Variants in ZNF383 observed in about 807,000 individuals in gnomAD.
The protein encoded by ZNF383 is zinc finger protein 383.
A neutral mutation model predicts 44.2 loss-of-function variants in ZNF383; 32 were observed. The observed-to-expected ratio is 0.72, with a 90% CI of 0.55 to 0.97. ZNF383 has a LOEUF of 0.97. Among genes scored for constraint, ZNF383 ranks in the 50% least tolerant of loss-of-function variants. The pLI, the probability that ZNF383 is intolerant of heterozygous loss-of-function variation, is 0.00. For missense variants in ZNF383, 487 were observed against 562.5 expected, an observed-to-expected ratio of 0.87 and a Z score of 1.36; for synonymous variants, 155 against 186.2, an observed-to-expected ratio of 0.83 and a Z score of 1.36.
Position 37,243,718 on chromosome 19 carries a change from T to G in ZNF383, c.*54T>G, listed in dbSNP as rs1974256115. 9.0e-6 allele frequency: 11 copies of G among 1,226,084 alleles called. No homozygotes were observed. In the Admixed American group the frequency reaches 9.5e-5, roughly 11 times the overall value. The allele number at this position is 1,226,084 out of a possible 1,614,324, so 76.0% of individuals were successfully genotyped here. A position where few individuals can be genotyped will look rare whatever the true frequency, so the allele number is the denominator to read the frequency against. ...CATATTTTAAACCAAAAATCATGTC[T>G]AATAGTTACCCTCTTCCGTAGTTTT... On this transcript the variant is annotated 3_prime_UTR_variant, in exon 6 of 6. Transcript: ENST00000684119.
chr19:37,235,941 C>T (rs745704082), intron 4 of ZNF383, 38 bp from the exon 5 acceptor site: 2 of 1,555,954 alleles, frequency 1.3e-6, no homozygotes, highest in African/African-American at 2.7e-5. Flanking sequence ...TCCTTTACCC[C>T]CAGCATAACC....
intron 5 of ZNF383, among the ~76,000 whole-genome samples, chr19:37,240,375 C>A (rs1359147079): frequency 1.3e-5 from 2 of 152,052 alleles, no homozygotes; most frequent in Non-Finnish European, 2.9e-5. Context: ...TTTCCTGTAA[C>A]CCCCCAGTAA....
At position 37,248,470 on chromosome 19, in the gene ZNF383, T is replaced by C. The variant is rs1390058317; in HGVS notation, c.*4806T>C. On this transcript the variant is annotated 3_prime_UTR_variant, in exon 6 of 6. Transcript: ENST00000684119. ...AAAAACAATTCTGATAAATCAAACTTTCTACTTTCTGAAACTTGAAAATCA... is the reference window on the plus strand; with the variant it reads ...AAAAACAATTCTGATAAATCAAACTCTCTACTTTCTGAAACTTGAAAATCA... 1 of 152,186 alleles carries C rather than the reference T, an allele frequency of 6.6e-6. No homozygotes were observed. Among genetic ancestry groups the C allele is most frequent in the Non-Finnish European group, 1.5e-5 (1 of 68,034 alleles). The allele number at this position is 152,186 out of a possible 1,614,324, so 9.4% of individuals were successfully genotyped here.
rs1312236730 is a variant in ZNF383, at chr19:37,244,615, G to A, written c.*951G>A. 6.6e-6 allele frequency: 1 copy of A among 152,154 alleles called. No homozygotes were observed. Among genetic ancestry groups the A allele is most frequent in the Non-Finnish European group, 1.5e-5 (1 of 68,064 alleles). The allele number at this position is 152,154 out of a possible 1,614,324, so 9.4% of individuals were successfully genotyped here. A position where few individuals can be genotyped will look rare whatever the true frequency, so the allele number is the denominator to read the frequency against. ...GATGGTCTCAATCTCCCGACTTCAG[G>A]TGATCCACCCGCCTCGGCCTCCGAA... is the stretch of plus-strand genomic sequence containing the variant. On this transcript the variant is annotated 3_prime_UTR_variant, in exon 6 of 6. Transcript: ENST00000684119.
chr19:37,239,485 G>T (rs1326248929), intron 5 of ZNF383, among the ~76,000 whole-genome samples: 1 of 152,142 alleles, frequency 6.6e-6, no homozygotes, highest in African/African-American at 2.4e-5. Flanking sequence ...AAAACTCCAG[G>T]CAGAGAGAAG....
chr19:37,242,410 A>G, intron 5 of ZNF383, 59 bp from the exon 6 acceptor site: 2 of 1,183,132 alleles, frequency 1.7e-6, no homozygotes, highest in Admixed American at 2.3e-5. Flanking sequence ...TTTCTATTAT[A>G]AAAGTTTAAT....
At chr19:37,241,770 A>G (rs1974093218) in intron 5 of ZNF383, among the ~76,000 whole-genome samples, 1 of 151,950 alleles carries the variant, frequency 6.6e-6, no homozygotes. Context: ...TTTGAAGCTC[A>G]GTGTGGGGCT....
chr19:37,230,806 G>A (rs1344012394), intron 3 of ZNF383, among the ~76,000 whole-genome samples: 1 of 152,188 alleles, frequency 6.6e-6, no homozygotes, highest in Non-Finnish European at 1.5e-5. Flanking sequence ...TGAGTTGAAG[G>A]TGTGAGTTAC....
chr19:37,241,892 T>C (rs1230758816), intron 5 of ZNF383, among the ~76,000 whole-genome samples: 1 of 150,516 alleles, frequency 6.6e-6, no homozygotes, highest in East Asian at 1.9e-4. Flanking sequence ...TTGTATGATA[T>C]ACTTATCTCT....
chr19:37,225,189 A>T (rs1973101343), intron 2 of ZNF383: 1 of 151,374 alleles, frequency 6.6e-6, no homozygotes, highest in African/African-American at 2.4e-5. Flanking sequence ...TCTGCCTCCC[A>T]GGTTCAAGTG....
rs765668211 is a variant in ZNF383 at position 37,230,463 on chromosome 19, GTGAGTTGA to G, written c.9+4_9+11del. 1.9e-6 allele frequency: 3 copies of G among 1,612,934 alleles called. No homozygotes were observed. Among genetic ancestry groups the G allele is most frequent in the East Asian group, 4.5e-5 (2 of 44,832 alleles). On this transcript the variant is annotated splice_donor_variant and splice_donor_5th_base_variant and intron_variant, in intron 3 of 5. Transcript: ENST00000684119. LOFTEE classifies it high-confidence loss of function. ...TGCAATACTAGAAGCCATGGCTGAG[GTGAGTTGA>G]TGCTTTTTCTTGCCTTCCTGACATT...
Position 37,230,457 on chromosome 19 carries a change from G to A in ZNF383, c.4G>A (p.Ala2Thr), listed in dbSNP as rs780775991. The change falls in exon 3 of 6, where the codon GCT becomes ACT. Residue 2 changes from alanine to threonine, a missense_variant. Transcript: ENST00000684119. M[A>T]EGSVMFSDVS... Reference sequence around the variant, plus strand: ...ACCATCTGCAATACTAGAAGCCATGGCTGAGGTGAGTTGATGCTTTTTCTT... The same window carrying A: ...ACCATCTGCAATACTAGAAGCCATGACTGAGGTGAGTTGATGCTTTTTCTT... 2 of 1,613,226 alleles carry A rather than the reference G, an allele frequency of 1.2e-6. No individual in the cohort carries two copies. The highest frequency in any genetic ancestry group is 3.3e-5 in the Admixed American group (2 of 59,940).
At chr19:37,221,775 T>C in intron 1 of ZNF383, among the ~76,000 whole-genome samples, 1 of 132,484 alleles carries the variant, frequency 7.5e-6, no homozygotes, top group South Asian at 2.4e-4. Flanking sequence ...AAACCCCGTC[T>C]CTACTTAAAA....
At chr19:37,221,904 C>A (rs556732362) in intron 1 of ZNF383, among the ~76,000 whole-genome samples, 3 of 139,766 alleles carry the variant, frequency 2.1e-5, no homozygotes, top group Non-Finnish European at 1.5e-5. Context: ...TGCAATGAGC[C>A]AAGATTGTGC....
At chr19:37,231,218 A>G (rs73930920) in intron 3 of ZNF383, among the ~76,000 whole-genome samples, 74 of 152,324 alleles carry the variant, frequency 4.9e-4, no homozygotes, top group African/African-American at 1.7e-3. Flanking sequence ...TACCAGAAAA[A>G]TAATTATTAA....
intron 5 of ZNF383, among the ~76,000 whole-genome samples, chr19:37,237,577 A>C (rs1973880466): frequency 6.6e-6 from 1 of 152,180 alleles, no homozygotes; most frequent in Non-Finnish European, 1.5e-5. Flanking sequence ...GGTAAGAGAG[A>C]AAATGTCTTA....
chr19:37,237,026 G>A (rs1334434256), intron 5 of ZNF383, among the ~76,000 whole-genome samples: 1 of 149,866 alleles, frequency 6.7e-6, no homozygotes, highest in Non-Finnish European at 1.5e-5. Flanking sequence ...CCTTGCCCAA[G>A]TACTGGTCTT....
chr19:37,244,167 TCC>T lies in ZNF383; in HGVS notation c.*504_*505del, dbSNP rs1974270399. On this transcript the variant is annotated 3_prime_UTR_variant, in exon 6 of 6. Transcript: ENST00000684119. ...GGCGCAATCTCGGCTCGCTGCAACC[TCC>T]ACCTCCCGGCTTCAAGCAATTCTCC... 1 of 152,174 alleles carries T rather than the reference TCC, an allele frequency of 6.6e-6. No homozygotes were observed. Among genetic ancestry groups the T allele is most frequent in the African/African-American group, 2.4e-5 (1 of 41,396 alleles). The allele number at this position is 152,174 out of a possible 1,614,324, so 9.4% of individuals were successfully genotyped here.
rs545288220 is a variant in ZNF383 at position 37,245,922 on chromosome 19, G to C, written c.*2258G>C. ...AGTGAGTCTTCCGCCTCAGCCTCCC[G>C]AGTAGCTGGGACTACAGGCGCGCGC... On this transcript the variant is annotated 3_prime_UTR_variant, in exon 6 of 6. Transcript: ENST00000684119. 1 of 148,062 alleles carries C rather than the reference G, an allele frequency of 6.8e-6. No homozygotes were observed. The highest frequency in any genetic ancestry group is 6.7e-5 in the Admixed American group (1 of 14,914). 9.2% of individuals were successfully genotyped at this position (148,062 alleles called of 1,614,324 possible).
Sources: allele counts gnomAD v4.1 joint callset (sites outside exome capture counted in the v4.1 genomes callset), GRCh38; gene constraint gnomAD v4.1.1; transcripts MANE v1.5; gene names NCBI Gene and HGNC (gene_info 2026-07-23, HGNC 2026-07-21).